Variants in SEL1L3 observed in about 807,000 individuals in gnomAD.
SEL1L3 encodes SEL1L family member 3.
In SEL1L3, 76 loss-of-function variants were observed where a neutral mutation model predicts 142.8. The ratio of observed to expected loss-of-function variants is 0.53; its 90% CI spans 0.44 to 0.64. The LOEUF (loss-of-function observed/expected upper bound fraction) is 0.64, where lower values mean the gene tolerates loss of function less well. Among genes scored for constraint, SEL1L3 ranks in the 30% least tolerant of loss-of-function variants. SEL1L3 has a pLI of 0.00. For missense variants in SEL1L3, 1,262 were observed against 1,381.7 expected (o/e 0.91, Z 1.37); for synonymous variants, 504 against 519.6 (o/e 0.97, Z 0.41).
chr4:25,770,851 T>C (rs1719126981), intron 17 of SEL1L3, among the ~76,000 whole-genome samples: 1 of 151,990 alleles, frequency 6.6e-6, no homozygotes, highest in Non-Finnish European at 1.5e-5. Flanking sequence ...ACCACCACCA[T>C]CCATGTTCAC....
At chr4:25,759,988 G>A (rs1014699391) in intron 20 of SEL1L3, 8 of 152,078 alleles carry the variant, frequency 5.3e-5, no homozygotes, top group African/African-American at 9.7e-5. Flanking sequence ...ATTTTGTTAC[G>A]TGTTATGGGG....
chr4:25,758,863 A>T (rs948455907), intron 21 of SEL1L3, 78 bp downstream of exon 21: 141 of 1,423,250 alleles, frequency 9.9e-5, no homozygotes, highest in Admixed American at 1.1e-4. Context: ...ATAAGGGTAA[A>T]GCTAACTTTA....
the SEL1L3 span, among the ~76,000 whole-genome samples, chr4:25,732,706 T>TTAA: frequency 6.6e-6 from 1 of 152,194 alleles, no homozygotes; most frequent in South Asian, 2.1e-4. Context: ...GTCTTTGGTC[T>TTAA]TTTATTATTG....
chr4:25,857,591 T>C (rs1442755996), intron 1 of SEL1L3, among the ~76,000 whole-genome samples: 1 of 152,186 alleles, frequency 6.6e-6, no homozygotes, highest in African/African-American at 2.4e-5. Flanking sequence ...ATCCCACTGT[T>C]ACAGCTGAGG....
intron 17 of SEL1L3, chr4:25,770,287 A>C (rs1433354648): frequency 1.3e-5 from 2 of 152,216 alleles, no homozygotes; most frequent in Non-Finnish European, 2.9e-5. Context: ...TGGGGAAGGA[A>C]GGGAGGAACA....
At position 25,835,074 on chromosome 4, in the gene SEL1L3, C is replaced by T. The variant is rs75237977; in HGVS notation, c.860+123G>A. The T allele has an allele frequency of 5.4e-3, 6,518 of 1,218,084 alleles. 276 individuals are homozygous for T. In the African/African-American group the frequency reaches 0.088, roughly 16 times the overall value. 75.5% of individuals were successfully genotyped at this position (1,218,084 alleles called of 1,614,324 possible). ...TCTGTCTAAGCCATGGAAATCTCAA[C>T]ATTTTTGCAAAACACCTTACCAAGA... On this transcript the variant is annotated intron_variant, in intron 3 of 23. Coordinates refer to ENST00000399878, the MANE Select transcript of SEL1L3 (RefSeq NM_015187.5).
At chr4:25,797,463 T>G (rs1216266087) in intron 11 of SEL1L3, among the ~76,000 whole-genome samples, 3 of 152,152 alleles carry the variant, frequency 2.0e-5, no homozygotes, top group Non-Finnish European at 4.4e-5. Context: ...TGTAGAAATT[T>G]AACACTTTAG....
intron 16 of SEL1L3, 82 bp downstream of exon 16, chr4:25,778,990 TAAAG>T (rs1202389709): frequency 2.4e-6 from 3 of 1,259,634 alleles, no homozygotes; most frequent in Non-Finnish European, 3.3e-6. Flanking sequence ...CTGGTAAAAA[TAAAG>T]AACTCAACTT....
At chr4:25,837,725 G>C (rs1715926982) in intron 2 of SEL1L3, among the ~76,000 whole-genome samples, 1 of 152,072 alleles carries the variant, frequency 6.6e-6, no homozygotes, top group Non-Finnish European at 1.5e-5. Context: ...TAATTTTGGA[G>C]CAGGAGAAGA....
At chr4:25,730,148 G>T in the SEL1L3 span, among the ~76,000 whole-genome samples, 1 of 152,014 alleles carries the variant, frequency 6.6e-6, no homozygotes, top group African/African-American at 2.4e-5. Context: ...TGGCCAGTCT[G>T]GTCTCGAACT....
At chr4:25,790,430 C>T (rs1712212636) in intron 12 of SEL1L3, 25 bp downstream of exon 12, 4 of 1,612,952 alleles carry the variant, frequency 2.5e-6, no homozygotes, top group Non-Finnish European at 3.4e-6. Context: ...GACAGAATCC[C>T]CAAGACAGTA....
chr4:25,716,544 G>A, the SEL1L3 span, among the ~76,000 whole-genome samples: 3 of 151,826 alleles, frequency 2.0e-5, no homozygotes, highest in Admixed American at 6.6e-5. Flanking sequence ...TAAAAGATAC[G>A]TACAAAATAT....
At chr4:25,753,886 A>C (rs2109113673) in intron 23 of SEL1L3, among the ~76,000 whole-genome samples, 1 of 152,278 alleles carries the variant, frequency 6.6e-6, no homozygotes, top group East Asian at 1.9e-4. Flanking sequence ...CAGGAGGCTG[A>C]GGCAGGAGAA....
chr4:25,745,855 T>C (rs1717245704), downstream of SEL1L3, among the ~76,000 whole-genome samples: 1 of 152,374 alleles, frequency 6.6e-6, no homozygotes, highest in Non-Finnish European at 1.5e-5. Flanking sequence ...GGCGTGTGGC[T>C]GTGAGCAGTC....
chr4:25,860,510 C>A (rs1474049770), intron 1 of SEL1L3: 1 of 152,202 alleles, frequency 6.6e-6, no homozygotes, highest in Non-Finnish European at 1.5e-5. Context: ...GATCAAGAAG[C>A]CTTGCCTTCA....
At chr4:25,822,169 A>G (rs759140991) in intron 6 of SEL1L3, 41 bp from the exon 7 acceptor site, 2 of 1,611,164 alleles carry the variant, frequency 1.2e-6, no homozygotes, top group Admixed American at 3.4e-5. Context: ...TCCATGCCGG[A>G]ACTAGATGAT....
chr4:25,851,012 G>A (rs141133809), intron 1 of SEL1L3, among the ~76,000 whole-genome samples: 1,768 of 151,980 alleles, frequency 0.012, 38 homozygotes, highest in African/African-American at 0.04. Flanking sequence ...CACCACACCC[G>A]GCTGATTTTT....
At chr4:25,821,468 C>A (rs909958603) in intron 7 of SEL1L3, among the ~76,000 whole-genome samples, 1 of 152,200 alleles carries the variant, frequency 6.6e-6, no homozygotes, top group Non-Finnish European at 1.5e-5. Flanking sequence ...CATTCGGGGG[C>A]GGGTTATGGA....
chr4:25,722,357 C>A, the SEL1L3 span, among the ~76,000 whole-genome samples: 1 of 152,098 alleles, frequency 6.6e-6, no homozygotes, highest in South Asian at 2.1e-4. Context: ...AGTAAGAATT[C>A]TTTTGCAACT....
Sources: gnomAD v4.1 joint callset for allele counts (sites outside exome capture counted in the v4.1 genomes callset) on GRCh38, gnomAD v4.1.1 for gene constraint, MANE v1.5 for transcripts, NCBI Gene and HGNC (gene_info 2026-07-23, HGNC 2026-07-21) for gene names.